USP54: variants seen among roughly 807,000 people sequenced by gnomAD.
USP54 encodes ubiquitin carboxyl-terminal hydrolase 54.
USP54 carries 87 observed loss-of-function variants against 170.5 expected under a neutral mutation model. The ratio of observed to expected loss-of-function variants is 0.51; its 90% CI spans 0.43 to 0.61. The LOEUF is 0.61. Ranked by LOEUF, USP54 falls within the 20% of genes least tolerant of loss-of-function variation. The pLI, the probability that USP54 is intolerant of heterozygous loss-of-function variation, is 0.00. For missense variants in USP54, 1,786 were observed against 2,047.8 expected (o/e 0.87, Z 2.47); for synonymous variants, 655 against 742.8 (o/e 0.88, Z 1.92).
intron 20 of USP54, chr10:73,506,291 A>C (rs544689946): frequency 6.6e-6 from 1 of 152,326 alleles, no homozygotes; most frequent in Non-Finnish European, 1.5e-5. Flanking sequence ...TTACATATGT[A>C]ATGCTCTTTT....
At chr10:73,530,981 G>A in intron 12 of USP54, 146 bp from the exon 13 acceptor site, 1 of 1,128,466 alleles carries the variant, frequency 8.9e-7, no homozygotes, top group Non-Finnish European at 1.2e-6. Flanking sequence ...TCTGATTTCA[G>A]TGTAGGAACC....
intron 4 of USP54, among the ~76,000 whole-genome samples, chr10:73,563,841 T>C (rs1330926420): frequency 6.6e-6 from 1 of 152,200 alleles, no homozygotes; most frequent in Non-Finnish European, 1.5e-5. Flanking sequence ...TAGCCTTGTC[T>C]CTTTGCATTC....
chr10:73,602,655 T>C (rs1190577741), intron 1 of USP54, among the ~76,000 whole-genome samples: 1 of 151,110 alleles, frequency 6.6e-6, no homozygotes, highest in Non-Finnish European at 1.5e-5. Context: ...GGTCAGGAGT[T>C]CAAGGCCAGC....
intron 1 of USP54, among the ~76,000 whole-genome samples, chr10:73,602,717 G>A (rs1472913033): frequency 2.6e-5 from 4 of 151,792 alleles, no homozygotes; most frequent in East Asian, 3.9e-4. Context: ...TTAGCCAGGC[G>A]TGGTGGTGTG....
At chr10:73,586,466 G>A (rs966753570) in intron 1 of USP54, among the ~76,000 whole-genome samples, 12 of 152,148 alleles carry the variant, frequency 7.9e-5, no homozygotes, top group Admixed American at 3.9e-4. Flanking sequence ...ATTTGGGTAC[G>A]TGGACTACAT....
chr10:73,542,236 T>C (rs2066763694), intron 7 of USP54, among the ~76,000 whole-genome samples: 2 of 152,022 alleles, frequency 1.3e-5, no homozygotes, highest in South Asian at 4.2e-4. Flanking sequence ...ATAGCTGGGA[T>C]TACAGGCACG....
At chr10:73,596,419 C>T (rs2078733965) in intron 1 of USP54, among the ~76,000 whole-genome samples, 1 of 151,822 alleles carries the variant, frequency 6.6e-6, no homozygotes, top group Non-Finnish European at 1.5e-5. Context: ...ATTAGCCAGG[C>T]GTAGTGGCGG....
At chr10:73,545,075 A>T (rs2067475207) in intron 5 of USP54, among the ~76,000 whole-genome samples, 1 of 152,196 alleles carries the variant, frequency 6.6e-6, no homozygotes, top group Non-Finnish European at 1.5e-5. Context: ...CACAGAGTTC[A>T]GAAGAGCGAG....
intron 1 of USP54, among the ~76,000 whole-genome samples, chr10:73,618,741 CAA>C (rs1320519590): frequency 0.082 from 4,781 of 58,302 alleles, 403 homozygotes; most frequent in African/African-American, 0.26. Flanking sequence ...GACTCCATCT[CAA>C]AAAAAAAAAA....
intron 1 of USP54, among the ~76,000 whole-genome samples, chr10:73,608,936 T>A (rs575813540): frequency 3.3e-5 from 5 of 152,242 alleles, no homozygotes; most frequent in African/African-American, 9.6e-5. Flanking sequence ...TGGAAAGGCA[T>A]AGGCCCTAGG....
chr10:73,508,120 AAAG>A (rs563139118), intron 20 of USP54, among the ~76,000 whole-genome samples: 420 of 152,350 alleles, frequency 2.8e-3, no homozygotes, highest in Non-Finnish European at 4.2e-3. Context: ...GATTCCTTTA[AAAG>A]AAGGCAGGGT....
intron 1 of USP54, among the ~76,000 whole-genome samples, chr10:73,598,755 A>G (rs914479854): frequency 2.6e-5 from 4 of 152,148 alleles, no homozygotes. Context: ...ACTAAAAATA[A>G]AAATAAAAAT....
intron 4 of USP54, among the ~76,000 whole-genome samples, chr10:73,560,949 A>G (rs1447878291): frequency 6.7e-6 from 1 of 150,186 alleles, no homozygotes; most frequent in Admixed American, 6.7e-5. Context: ...CTAAAAAAAT[A>G]CAAAAATTAG....
At chr10:73,569,929 A>AAAAAAAAAAAAAAAAAAAAAAC (rs1564867742) in intron 4 of USP54, among the ~76,000 whole-genome samples, 1 of 135,654 alleles carries the variant, frequency 7.4e-6, no homozygotes, top group Non-Finnish European at 1.7e-5. Context: ...AAAAAAAAAA[A>AAAAAAAAAAAAAAAAAAAAAAC]AAAAAAAAAA....
chr10:73,522,015 GA>G (rs199854344), intron 17 of USP54, among the ~76,000 whole-genome samples: 2 of 151,110 alleles, frequency 1.3e-5, no homozygotes, highest in African/African-American at 2.4e-5. Context: ...AGGTTGCAGG[GA>G]AAAAAAAATG....
chr10:73,605,777 G>T (rs1019932356), intron 1 of USP54, among the ~76,000 whole-genome samples: 1 of 152,124 alleles, frequency 6.6e-6, no homozygotes, highest in South Asian at 2.1e-4. Flanking sequence ...GAGGCATGAA[G>T]AATAGTCAAA....
intron 15 of USP54, among the ~76,000 whole-genome samples, chr10:73,527,415 T>C (rs891088652): frequency 6.6e-6 from 1 of 150,846 alleles, no homozygotes; most frequent in Non-Finnish European, 1.5e-5. Context: ...GGAGAATCGC[T>C]TGAACCCAGG....
chr10:73,524,273 A>C (rs2062456691), intron 16 of USP54, among the ~76,000 whole-genome samples: 1 of 151,950 alleles, frequency 6.6e-6, no homozygotes, highest in African/African-American at 2.4e-5. Context: ...CACTTGGGCC[A>C]GGAATAATAA....
At chr10:73,529,343 G>A (rs2133388576) in intron 15 of USP54, among the ~76,000 whole-genome samples, 1 of 152,250 alleles carries the variant, frequency 6.6e-6, no homozygotes, top group Middle Eastern at 3.4e-3. Flanking sequence ...AATAATTAGT[G>A]AGTACTAGCT....
Sources: gnomAD v4.1 joint callset for allele counts (sites outside exome capture counted in the v4.1 genomes callset) on GRCh38, gnomAD v4.1.1 for gene constraint, MANE v1.5 for transcripts, NCBI Gene and HGNC (gene_info 2026-07-23, HGNC 2026-07-21) for gene names.